RBM33: variants seen among roughly 807,000 people sequenced by gnomAD.
The protein encoded by RBM33 is RNA-binding protein 33.
In RBM33, 28 loss-of-function variants were observed where a neutral mutation model predicts 132.6. The observed-to-expected ratio is 0.21, with a 90% confidence interval of 0.16 to 0.29. The LOEUF is 0.29. Ranked by LOEUF, RBM33 falls within the 10% of genes least tolerant of loss-of-function variation. The pLI, the probability that RBM33 is intolerant of heterozygous loss-of-function variation, is 1.00. For missense variants in RBM33, 1,291 were observed against 1,518.5 expected (o/e 0.85, Z 2.49); for synonymous variants, 634 against 593.0 (o/e 1.07, Z -1.01).
intron 1 of RBM33, among the ~76,000 whole-genome samples, chr7:155,647,549 G>A (rs1798234556): frequency 6.6e-6 from 1 of 152,072 alleles, no homozygotes; most frequent in Non-Finnish European, 1.5e-5. Flanking sequence ...TCCCACTTCA[G>A]CCTCCTGAGT....
chr7:155,760,900 C>G (rs1802012407), intron 14 of RBM33, among the ~76,000 whole-genome samples: 1 of 152,212 alleles, frequency 6.6e-6, no homozygotes, highest in Non-Finnish European at 1.5e-5. Flanking sequence ...TCTGCCTTTT[C>G]ACAGTGCTTC....
chr7:155,767,438 A>G (rs941467887), intron 16 of RBM33, among the ~76,000 whole-genome samples: 2 of 152,238 alleles, frequency 1.3e-5, no homozygotes, highest in African/African-American at 4.8e-5. Context: ...TACATGTCAG[A>G]GTTCTGAGGA....
At chr7:155,647,819 T>C (rs760414583) in intron 1 of RBM33, among the ~76,000 whole-genome samples, 1 of 152,340 alleles carries the variant, frequency 6.6e-6, no homozygotes, top group Non-Finnish European at 1.5e-5. Flanking sequence ...ATGACAACTG[T>C]TATTTATTGG....
intron 5 of RBM33, among the ~76,000 whole-genome samples, chr7:155,688,028 T>C (rs1233458419): frequency 6.6e-6 from 1 of 152,220 alleles, no homozygotes; most frequent in Non-Finnish European, 1.5e-5. Flanking sequence ...CATTGGCAGC[T>C]TGATGGGGAT....
intron 5 of RBM33, among the ~76,000 whole-genome samples, chr7:155,687,732 G>C (rs971602309): frequency 5.4e-4 from 82 of 152,214 alleles, no homozygotes; most frequent in Non-Finnish European, 9.4e-4. Flanking sequence ...ATTAAATAGG[G>C]GATCCTTTCC....
rs560648750 is a variant in RBM33 at position 155,739,743 on chromosome 7, C to T, written c.1766C>T (p.Pro589Leu). Residue 589 changes from proline (P) to leucine (L), a missense_variant, in exon 12 of 18, where the codon CCG becomes CTG. Physicochemically the swap from Pro to Leu is moderately conservative, Grantham distance 98. Around this residue, in one of 7 missense-constraint regions of RBM33, gnomAD observed 841 missense variants for 912.0 expected, o/e 0.92. Coordinates refer to ENST00000401878, the MANE Select transcript of RBM33 (RefSeq NM_053043.3). ...QGPLHPPLPPPHQPQPQQPQQ... is the reference protein window; with the variant it reads ...QGPLHPPLPPLHQPQPQQPQQ... The stretch of plus-strand genomic sequence containing the variant: ...CCGTTGCATCCTCCATTGCCCCCTC[C>T]GCATCAGCCTCAGCCTCAGCAACCT... The T allele has an allele frequency of 1.2e-5, 19 of 1,547,922 alleles. No homozygotes were observed. Among genetic ancestry groups the T allele is most frequent in the Admixed American group, 1.2e-4 (6 of 50,772 alleles).
At chr7:155,655,396 T>C (rs918477861) in intron 1 of RBM33, among the ~76,000 whole-genome samples, 1 of 152,212 alleles carries the variant, frequency 6.6e-6, no homozygotes, top group African/African-American at 2.4e-5. Flanking sequence ...AAAACACTTC[T>C]TGATGAACAT....
chr7:155,647,159 G>A (rs1462948011), intron 1 of RBM33, among the ~76,000 whole-genome samples: 1 of 152,172 alleles, frequency 6.6e-6, no homozygotes, highest in African/African-American at 2.4e-5. Flanking sequence ...TTGTGATTTA[G>A]TACATACATA....
chr7:155,679,864 G>C (rs970421873), intron 4 of RBM33, among the ~76,000 whole-genome samples: 1 of 152,124 alleles, frequency 6.6e-6, no homozygotes, highest in African/African-American at 2.4e-5. Flanking sequence ...AGATTTGCAC[G>C]ATCTTACATG....
chr7:155,653,657 T>C (rs1798416066), intron 1 of RBM33, among the ~76,000 whole-genome samples: 1 of 152,206 alleles, frequency 6.6e-6, no homozygotes, highest in East Asian at 1.9e-4. Context: ...TCTGAGTTGG[T>C]GAGCACCTCC....
chr7:155,738,090 T>G lies in RBM33; in HGVS notation c.1424T>G (p.Leu475Arg). The change falls in exon 11 of 18, where the codon CTT becomes CGT. Residue 475 changes from leucine (L) to arginine (R), a missense_variant. Coordinates refer to ENST00000401878, the MANE Select transcript of RBM33 (RefSeq NM_053043.3). The stretch of plus-strand genomic sequence containing the variant: ...GGTGAACCAAGATTCCCGAGCCATC[T>G]TTTTCTGGAACAGCGAAGTCCCCCT... ...VSGEPRFPSHLFLEQRSPPPP... is the reference protein window; with the variant it reads ...VSGEPRFPSHRFLEQRSPPPP... 1 of 1,613,466 alleles carries G rather than the reference T, an allele frequency of 6.2e-7. No individual in the cohort carries two copies. Among genetic ancestry groups the G allele is most frequent in the South Asian group, 1.1e-5 (1 of 91,052 alleles).
chr7:155,664,115 ATG>A (rs1459756582), intron 1 of RBM33, among the ~76,000 whole-genome samples: 2 of 152,182 alleles, frequency 1.3e-5, no homozygotes, highest in Non-Finnish European at 2.9e-5. Flanking sequence ...AGCACTTGGA[ATG>A]TGGCTTGTTC....
intron 1 of RBM33, among the ~76,000 whole-genome samples, chr7:155,656,027 C>T (rs566069142): frequency 2.0e-5 from 3 of 152,108 alleles, no homozygotes; most frequent in Non-Finnish European, 4.4e-5. Context: ...TAGTGCTTGG[C>T]GGATACATTC....
intron 5 of RBM33, among the ~76,000 whole-genome samples, chr7:155,695,725 T>A (rs547826026): frequency 6.6e-6 from 1 of 152,354 alleles, no homozygotes; most frequent in South Asian, 2.1e-4. Flanking sequence ...CCTCCCAAAG[T>A]GCCGGGATTA....
Position 155,774,581 on chromosome 7 carries a change from A to G in RBM33, c.3398A>G (p.Gln1133Arg). The change falls in exon 17 of 18, where the codon CAA (glutamine) becomes CGA (arginine). Residue 1133 changes from glutamine to arginine, a missense_variant. Coordinates refer to ENST00000401878, the MANE Select transcript of RBM33 (RefSeq NM_053043.3). This position sits in a 1 kb window ranked among gnomAD's most constrained non-coding sequence, Gnocchi z 4.2. ...TAGAGTTTACAGATGCTTCCTCAGC[A>G]ACGGAAAGCCATAGCTAAGTTCAAG... is the stretch of plus-strand genomic sequence containing the variant. ...PIQSLQMLPQ[Q>R]RKAIAKFKEP... is the part of the protein sequence containing the mutation. 1 of 1,613,876 alleles carries G rather than the reference A, an allele frequency of 6.2e-7. No individual in the cohort carries two copies. Among genetic ancestry groups the G allele is most frequent in the Non-Finnish European group, 8.5e-7 (1 of 1,179,754 alleles).
chr7:155,724,639 G>T (rs760175283), intron 9 of RBM33, among the ~76,000 whole-genome samples: 4 of 152,050 alleles, frequency 2.6e-5, no homozygotes, highest in Non-Finnish European at 5.9e-5. Context: ...TGTGAGTTTC[G>T]CCTAGTGCCT....
chr7:155,771,578 C>T (rs879816859), intron 16 of RBM33, among the ~76,000 whole-genome samples: 3 of 152,124 alleles, frequency 2.0e-5, no homozygotes, highest in East Asian at 1.9e-4. Flanking sequence ...ACGTAGATTA[C>T]AAGTAAAACC....
chr7:155,735,028 A>G (rs2068182513), intron 9 of RBM33, among the ~76,000 whole-genome samples: 1 of 152,192 alleles, frequency 6.6e-6, no homozygotes, highest in South Asian at 2.1e-4. Flanking sequence ...TTACATTAGG[A>G]TGAGGCCGCT....
At chr7:155,648,464 T>C (rs181721972) in intron 1 of RBM33, among the ~76,000 whole-genome samples, 60 of 152,308 alleles carry the variant, frequency 3.9e-4, no homozygotes, top group Middle Eastern at 6.8e-3. Context: ...GTATGAAGCA[T>C]GGTGCAGAAG....
Sources: allele counts gnomAD v4.1 joint callset (sites outside exome capture counted in the v4.1 genomes callset), GRCh38; gene constraint gnomAD v4.1.1; regional missense constraint gnomAD v4.1.1; non-coding constraint Gnocchi (gnomAD v3.1); transcripts MANE v1.5; gene names NCBI Gene and HGNC (gene_info 2026-07-23, HGNC 2026-07-21).